Variants in LHFPL6 observed in about 807,000 individuals in gnomAD.
The protein encoded by LHFPL6 is LHFPL tetraspan subfamily member 6 protein.
Under a neutral mutation model 20.6 loss-of-function variants are expected in LHFPL6, and 9 were observed. The observed-to-expected ratio is 0.44, with a 90% CI of 0.26 to 0.76. The LOEUF (loss-of-function observed/expected upper bound fraction) is 0.76, where lower values mean the gene tolerates loss of function less well. Among genes scored for constraint, LHFPL6 ranks in the 30% least tolerant of loss-of-function variants. The probability of loss-of-function intolerance (pLI) is 0.20; values close to 1 mark genes in which losing one functional copy is unlikely to be tolerated. For synonymous variants in LHFPL6, 105 were observed against 98.7 expected (o/e 1.06, Z -0.38); for missense variants, 218 against 253.5 (o/e 0.86, Z 0.95).
chr13:39,372,612 C>T (rs372506327), intron 3 of LHFPL6, among the ~76,000 whole-genome samples: 6 of 152,128 alleles, frequency 3.9e-5, no homozygotes, highest in South Asian at 2.1e-4. Context: ...TGCTTCAGAG[C>T]GCTGCACTTA....
intron 2 of LHFPL6, among the ~76,000 whole-genome samples, chr13:39,442,225 C>T (rs1872160085): frequency 6.6e-6 from 1 of 152,138 alleles, no homozygotes; most frequent in African/African-American, 2.4e-5. Flanking sequence ...GTTGAAAAAT[C>T]TGAATATGTC....
intron 2 of LHFPL6, among the ~76,000 whole-genome samples, chr13:39,574,393 A>G (rs1235768019): frequency 1.1e-4 from 16 of 151,916 alleles, no homozygotes; most frequent in Middle Eastern, 6.8e-3. Flanking sequence ...GAGGCAGCAG[A>G]ATGGCGTGAA....
rs187676910 is a variant in LHFPL6, at chr13:39,601,587, T to C, written c.-174-197A>G. Among the ~76,000 whole-genome samples the C allele has an allele frequency of 3.2e-3, 487 of 152,346 alleles. 5 individuals are homozygous for C. The highest frequency in any genetic ancestry group is 0.011 in the African/African-American group (470 of 41,582). On this transcript the variant is annotated intron_variant, in intron 1 of 3. Transcript: ENST00000379589. ...AGCTCAAAGCTTTTTCATGTCTTTA[T>C]CTTCCGTAAATATTTCCAAATTAAC... is the stretch of plus-strand genomic sequence containing the variant.
chr13:39,402,397 T>C (rs537616536), intron 2 of LHFPL6, among the ~76,000 whole-genome samples: 3 of 152,162 alleles, frequency 2.0e-5, no homozygotes, highest in African/African-American at 7.2e-5. Flanking sequence ...GCTAGTATTT[T>C]TGCAATTTTT....
intron 2 of LHFPL6, among the ~76,000 whole-genome samples, chr13:39,481,736 C>A (rs1311682873): frequency 6.6e-6 from 1 of 152,090 alleles, no homozygotes; most frequent in Admixed American, 6.5e-5. Context: ...GGCAAGGATC[C>A]GATCATGCAA....
intron 2 of LHFPL6, among the ~76,000 whole-genome samples, chr13:39,410,381 T>A (rs940431162): frequency 6.6e-6 from 1 of 152,192 alleles, no homozygotes; most frequent in Non-Finnish European, 1.5e-5. Flanking sequence ...CCACAATGAA[T>A]GAAGATAGCA....
At chr13:39,394,680 T>C (rs1475527420) in intron 2 of LHFPL6, among the ~76,000 whole-genome samples, 3 of 152,234 alleles carry the variant, frequency 2.0e-5, no homozygotes, top group Non-Finnish European at 4.4e-5. Flanking sequence ...GTAAAATTGA[T>C]GCTCTTAGAA....
chr13:39,457,348 T>C (rs913741700), intron 2 of LHFPL6, among the ~76,000 whole-genome samples: 11 of 152,042 alleles, frequency 7.2e-5, no homozygotes, highest in Admixed American at 3.9e-4. Context: ...AAAGAAGGTA[T>C]ACAAATGGGC....
chr13:39,440,802 C>A (rs1872101509), intron 2 of LHFPL6, among the ~76,000 whole-genome samples: 1 of 152,124 alleles, frequency 6.6e-6, no homozygotes, highest in Non-Finnish European at 1.5e-5. Flanking sequence ...GTGGGAGGAA[C>A]CTGGTGGGAG....
intron 2 of LHFPL6, among the ~76,000 whole-genome samples, chr13:39,521,806 TTGCAGATTATTATTGGCTTGCTC>T (rs1566131962): frequency 6.6e-6 from 1 of 152,220 alleles, no homozygotes; most frequent in Non-Finnish European, 1.5e-5. Context: ...TTGGCTTGCT[TTGCAGATTATTATTGGCTTGCTC>T]TGCAGATTAC....
chr13:39,378,637 G>C, intron 2 of LHFPL6, 111 bp from the exon 3 acceptor site: 1 of 700,246 alleles, frequency 1.4e-6, no homozygotes, highest in South Asian at 2.0e-5. Flanking sequence ...CTGCTTTTTA[G>C]ACAGCACCAG....
intron 2 of LHFPL6, among the ~76,000 whole-genome samples, chr13:39,600,039 C>T (rs1872885356): frequency 6.6e-6 from 1 of 152,170 alleles, no homozygotes; most frequent in Admixed American, 6.5e-5. Context: ...AGGTGAAAAG[C>T]ACAGTGGAAA....
At chr13:39,494,151 T>C (rs932592127) in intron 2 of LHFPL6, among the ~76,000 whole-genome samples, 1 of 152,204 alleles carries the variant, frequency 6.6e-6, no homozygotes, top group Non-Finnish European at 1.5e-5. Flanking sequence ...TGTTCATTTA[T>C]AGTCATGACC....
rs367731629 is a variant in LHFPL6 at position 39,433,849 on chromosome 13, G to C, written c.386-55323C>G. On this transcript the variant is annotated intron_variant, in intron 2 of 3. Transcript: ENST00000379589. The stretch of plus-strand genomic sequence containing the variant: ...ACCAGCTCTCTCAGCCAAGAAGTTT[G>C]AATAATCCAGCAGTCACCAGGAGCC... 1.2e-3 allele frequency among the ~76,000 whole-genome samples: 183 copies of C among 152,280 alleles called. 6 individuals carry two copies. In the South Asian group the frequency reaches 0.037, roughly 31 times the overall value.
At chr13:39,358,660 C>G (rs540905637) in intron 3 of LHFPL6, among the ~76,000 whole-genome samples, 1 of 152,232 alleles carries the variant, frequency 6.6e-6, no homozygotes, top group East Asian at 1.9e-4. Context: ...GGCCTAATAT[C>G]CAGAATCTGT....
intron 2 of LHFPL6, among the ~76,000 whole-genome samples, chr13:39,402,015 C>T (rs1871002968): frequency 6.6e-6 from 1 of 152,084 alleles, no homozygotes; most frequent in Non-Finnish European, 1.5e-5. Flanking sequence ...TATTGAGCAA[C>T]AGAAATGTGG....
intron 2 of LHFPL6, among the ~76,000 whole-genome samples, chr13:39,459,194 A>ATGTGTGTG (rs58955444): frequency 0.014 from 1,906 of 136,004 alleles, 26 homozygotes; most frequent in Middle Eastern, 0.015. Flanking sequence ...AAGTTCCTTA[A>ATGTGTGTG]TGTGTGTGTG....
At position 39,386,498 on chromosome 13, in the gene LHFPL6, C is replaced by G. The variant is rs983893446; in HGVS notation, c.386-7972G>C. 4.6e-5 allele frequency among the ~76,000 whole-genome samples: 7 copies of G among 152,162 alleles called. No homozygotes were observed. In the South Asian group the frequency reaches 1.5e-3, roughly 32 times the overall value. On this transcript the variant is annotated intron_variant, in intron 2 of 3. Coordinates refer to ENST00000379589, the MANE Select transcript of LHFPL6 (RefSeq NM_005780.3). ...AAGGACACAGAGCTCAGATTAATCC[C>G]GGGCCTCCTGGATCCTAGGCCAGAG...
At chr13:39,460,055 T>A (rs1331519763) in intron 2 of LHFPL6, among the ~76,000 whole-genome samples, 1 of 101,822 alleles carries the variant, frequency 9.8e-6, no homozygotes, top group African/African-American at 4.9e-5. Context: ...TTAACTTACC[T>A]TACAAAATTT....
Sources: allele counts gnomAD v4.1 joint callset (sites outside exome capture counted in the v4.1 genomes callset), GRCh38; gene constraint gnomAD v4.1.1; transcripts MANE v1.5; gene names NCBI Gene and HGNC (gene_info 2026-07-23, HGNC 2026-07-21).